KCNJ6: variants seen among roughly 807,000 people sequenced by gnomAD.
The protein encoded by KCNJ6 is G protein-activated inward rectifier potassium channel 2.
KCNJ6 carries 9 observed loss-of-function variants against 34.2 expected under a neutral mutation model. The observed-to-expected ratio is 0.26, with a 90% confidence interval of 0.16 to 0.46. The LOEUF (loss-of-function observed/expected upper bound fraction) is 0.46. Among genes scored for constraint, KCNJ6 ranks in the 20% least tolerant of loss-of-function variants. The pLI, the probability that KCNJ6 is intolerant of heterozygous loss-of-function variation, is 1.00. For missense variants in KCNJ6, 236 were observed against 531.3 expected (o/e 0.44, Z 5.46); for synonymous variants, 196 against 207.1 (o/e 0.95, Z 0.46).
intron 2 of KCNJ6, among the ~76,000 whole-genome samples, chr21:37,761,456 G>A (rs957809799): frequency 4.0e-5 from 6 of 149,122 alleles, no homozygotes; most frequent in Non-Finnish European, 8.9e-5. Context: ...TGTGTGTGTT[G>A]TGTGTATGTA....
At position 37,611,713 on chromosome 21, in the gene KCNJ6, T is replaced by C. The variant is rs2054243219; in HGVS notation, c.*13446A>G. 6.6e-6 allele frequency: 1 copy of C among 151,946 alleles called. No individual in the cohort carries two copies. The highest frequency in any genetic ancestry group is 2.4e-5 in the African/African-American group (1 of 41,324). The allele number at this position is 151,946 out of a possible 1,614,324, so 9.4% of individuals were successfully genotyped here. A position where few individuals can be genotyped will look rare whatever the true frequency, so the allele number is the denominator to read the frequency against. On this transcript the variant is annotated 3_prime_UTR_variant, in exon 4 of 4. Transcript: ENST00000609713. The stretch of plus-strand genomic sequence containing the variant: ...CAAAGATCAACTAATGTAATGAATA[T>C]CAACAGGCAAAAGAAGAAAAATTGC...
chr21:37,704,288 A>G (rs2054707412), intron 3 of KCNJ6, among the ~76,000 whole-genome samples: 1 of 116,748 alleles, frequency 8.6e-6, no homozygotes, highest in African/African-American at 2.7e-5. Flanking sequence ...GAGGTTGTAC[A>G]CCTTTTCCAA....
intron 3 of KCNJ6, among the ~76,000 whole-genome samples, chr21:37,666,691 T>C (rs1011285597): frequency 6.6e-6 from 1 of 151,352 alleles, no homozygotes. Flanking sequence ...ATGATGACGA[T>C]GGCAGTTTTG....
At chr21:37,732,549 C>T (rs1444633088) in intron 2 of KCNJ6, among the ~76,000 whole-genome samples, 2 of 152,218 alleles carry the variant, frequency 1.3e-5, no homozygotes, top group African/African-American at 4.8e-5. Flanking sequence ...GAACTAGTCT[C>T]TGCATGACTG....
intron 3 of KCNJ6, among the ~76,000 whole-genome samples, chr21:37,700,360 T>C (rs1184616128): frequency 1.3e-5 from 2 of 152,160 alleles, no homozygotes; most frequent in Admixed American, 6.5e-5. Context: ...AAATAATCCA[T>C]GGCATATTCA....
At chr21:37,789,370 G>A (rs1222671945) in intron 2 of KCNJ6, among the ~76,000 whole-genome samples, 1 of 152,162 alleles carries the variant, frequency 6.6e-6, no homozygotes, top group Non-Finnish European at 1.5e-5. Flanking sequence ...GGCCTTATAA[G>A]AAGTAGAGAG....
chr21:37,686,218 G>C (rs1387920965), intron 3 of KCNJ6, among the ~76,000 whole-genome samples: 1 of 152,124 alleles, frequency 6.6e-6, no homozygotes, highest in Non-Finnish European at 1.5e-5. Context: ...GGACAAAGAA[G>C]GATTTGCTGT....
At chr21:37,887,297 C>T (rs1247158387) in intron 1 of KCNJ6, among the ~76,000 whole-genome samples, 2 of 152,192 alleles carry the variant, frequency 1.3e-5, no homozygotes, top group South Asian at 2.1e-4. Context: ...ACTAACCCTC[C>T]CCCAGCCCCA....
At chr21:37,679,695 T>C (rs1009973471) in intron 3 of KCNJ6, among the ~76,000 whole-genome samples, 1 of 258 alleles carries the variant, frequency 3.9e-3, no homozygotes, top group African/African-American at 0.014. Context: ...AGTGTGTTCA[T>C]TGGCCAGTGG....
intron 2 of KCNJ6, among the ~76,000 whole-genome samples, chr21:37,797,326 C>T (rs952242139): frequency 2.0e-5 from 3 of 152,224 alleles, no homozygotes; most frequent in Non-Finnish European, 4.4e-5. Flanking sequence ...ACTGGGATTA[C>T]AAGGCGTGAG....
At position 37,722,190 on chromosome 21, in the gene KCNJ6, C is replaced by A. The variant is rs545919969; in HGVS notation, c.26-7059G>T. 1.6e-4 allele frequency among the ~76,000 whole-genome samples: 25 copies of A among 152,202 alleles called. 1 individual carries two copies. The East Asian group carries it at 2.5e-3, about 15-fold the overall frequency. ...GAGAGCTGAATCAAGAATAAAATCC[C>A]ACTTATCATAGCCACACAAAAATAA... On this transcript the variant is annotated intron_variant, in intron 2 of 3. Transcript: ENST00000609713.
intron 2 of KCNJ6, among the ~76,000 whole-genome samples, chr21:37,819,303 T>C (rs756397994): frequency 3.9e-5 from 6 of 152,210 alleles, no homozygotes; most frequent in Non-Finnish European, 8.8e-5. Context: ...AAGTTGTTTG[T>C]CATTTTAGAA....
chr21:37,718,161 C>T (rs2054804123), intron 2 of KCNJ6, among the ~76,000 whole-genome samples: 1 of 152,158 alleles, frequency 6.6e-6, no homozygotes, highest in African/African-American at 2.4e-5. Context: ...GGCCATTGTC[C>T]TAAACAGTGG....
At chr21:37,803,725 A>T (rs568362669) in intron 2 of KCNJ6, among the ~76,000 whole-genome samples, 1 of 152,294 alleles carries the variant, frequency 6.6e-6, no homozygotes, top group East Asian at 1.9e-4. Context: ...TATTTGCTTC[A>T]AATTAAAATG....
intron 3 of KCNJ6, among the ~76,000 whole-genome samples, chr21:37,700,427 G>T (rs2054684929): frequency 6.6e-6 from 1 of 152,234 alleles, no homozygotes; most frequent in South Asian, 2.1e-4. Context: ...CTGGAGAGGT[G>T]CCATGTCTGT....
intron 1 of KCNJ6, among the ~76,000 whole-genome samples, chr21:37,859,487 T>TATATATATATATA (rs2055582251): frequency 2.1e-4 from 18 of 84,284 alleles, no homozygotes; most frequent in African/African-American, 7.8e-4. Context: ...TTATATTACT[T>TATATATATATATA]TATATATATA....
At chr21:37,640,853 T>C (rs1433788976) in intron 3 of KCNJ6, among the ~76,000 whole-genome samples, 1 of 152,196 alleles carries the variant, frequency 6.6e-6, no homozygotes, top group African/African-American at 2.4e-5. Context: ...TCTCTTAAAA[T>C]ATACATGCAT....
At chr21:37,836,914 G>A (rs575349042) in intron 2 of KCNJ6, among the ~76,000 whole-genome samples, 2 of 152,088 alleles carry the variant, frequency 1.3e-5, no homozygotes, top group South Asian at 2.1e-4. Context: ...TAAAAAAATT[G>A]GCAGCCTTTG....
At chr21:37,913,690 C>G (rs2055878039) in intron 1 of KCNJ6, among the ~76,000 whole-genome samples, 1 of 152,044 alleles carries the variant, frequency 6.6e-6, no homozygotes, top group African/African-American at 2.4e-5. Context: ...TTGTGGTGTG[C>G]GCCTGTAATC....
Sources: allele counts gnomAD v4.1 joint callset (sites outside exome capture counted in the v4.1 genomes callset), GRCh38; gene constraint gnomAD v4.1.1; transcripts MANE v1.5; gene names NCBI Gene and HGNC (gene_info 2026-07-23, HGNC 2026-07-21).